SPOCK1: variants seen among roughly 807,000 people sequenced by gnomAD.
SPOCK1 encodes SPARC (osteonectin), cwcv and kazal like domains proteoglycan 1.
SPOCK1 carries 23 observed loss-of-function variants against 55.3 expected under a neutral mutation model. That is an observed-to-expected ratio of 0.42 (90% CI 0.30 to 0.59). The LOEUF is 0.59. Among genes scored for constraint, SPOCK1 ranks in the 20% least tolerant of loss-of-function variants. The pLI is 0.22. For synonymous variants in SPOCK1, 226 were observed against 221.0 expected (o/e 1.02, Z -0.20); for missense variants, 499 against 552.5 (o/e 0.90, Z 0.97).
At chr5:137,232,416 T>G (rs1401779852) in intron 3 of SPOCK1, among the ~76,000 whole-genome samples, 1 of 152,244 alleles carries the variant, frequency 6.6e-6, no homozygotes, top group East Asian at 1.9e-4. Flanking sequence ...AATGTCCAGC[T>G]GCTCCCGCAT....
At chr5:137,356,838 T>TATATATATAGAG (rs1554077335) in intron 2 of SPOCK1, among the ~76,000 whole-genome samples, 8 of 5,454 alleles carry the variant, frequency 1.5e-3, no homozygotes, top group Admixed American at 5.7e-3. Context: ...TATATATATA[T>TATATATATAGAG]AGAGAGAGAG....
chr5:137,054,074 C>T (rs1007182826), intron 6 of SPOCK1, among the ~76,000 whole-genome samples: 5 of 151,964 alleles, frequency 3.3e-5, no homozygotes, highest in Admixed American at 6.6e-5. Flanking sequence ...TGTGTGCATG[C>T]GCATGCACAC....
intron 2 of SPOCK1, among the ~76,000 whole-genome samples, chr5:137,366,060 G>A (rs1751054110): frequency 6.6e-6 from 1 of 152,168 alleles, no homozygotes; most frequent in Non-Finnish European, 1.5e-5. Flanking sequence ...TGGGAGGCAG[G>A]GACAGGGGAC....
chr5:137,225,342 A>G (rs1306814896), intron 3 of SPOCK1, among the ~76,000 whole-genome samples: 1 of 152,192 alleles, frequency 6.6e-6, no homozygotes. Flanking sequence ...AGGTTACTGT[A>G]GAAATAAAAT....
chr5:137,374,687 A>G (rs1309231578), intron 2 of SPOCK1, among the ~76,000 whole-genome samples: 1 of 152,134 alleles, frequency 6.6e-6, no homozygotes, highest in East Asian at 1.9e-4. Flanking sequence ...TCACCACACC[A>G]TTTATGACAC....
intron 5 of SPOCK1, among the ~76,000 whole-genome samples, chr5:137,076,490 C>CAGTG (rs1156601745): frequency 6.6e-6 from 1 of 151,748 alleles, no homozygotes; most frequent in Non-Finnish European, 1.5e-5. Context: ...AGCCTACCTT[C>CAGTG]AGTGTACTCA....
intron 3 of SPOCK1, among the ~76,000 whole-genome samples, chr5:137,227,449 G>A (rs1007437132): frequency 6.6e-5 from 10 of 152,346 alleles, no homozygotes; most frequent in Middle Eastern, 6.8e-3. Context: ...AGGATTTAAA[G>A]TACATCATCA....
chr5:137,178,362 A>C (rs1754898131), intron 3 of SPOCK1, among the ~76,000 whole-genome samples: 1 of 152,352 alleles, frequency 6.6e-6, no homozygotes, highest in East Asian at 1.9e-4. Context: ...CATGAGTAGC[A>C]CTGTTGGGGC....
intron 4 of SPOCK1, among the ~76,000 whole-genome samples, chr5:137,127,911 G>A (rs1017771807): frequency 3.9e-5 from 6 of 152,198 alleles, no homozygotes; most frequent in African/African-American, 1.4e-4. Flanking sequence ...TATGGCTATT[G>A]AGATAGAATG....
intron 2 of SPOCK1, among the ~76,000 whole-genome samples, chr5:137,318,464 G>A (rs781588539): frequency 6.6e-6 from 1 of 152,212 alleles, no homozygotes; most frequent in East Asian, 1.9e-4. Flanking sequence ...TTATAATGAG[G>A]GGTTTGTCTG....
At chr5:137,113,587 T>G (rs1007231653) in intron 4 of SPOCK1, among the ~76,000 whole-genome samples, 68 of 152,358 alleles carry the variant, frequency 4.5e-4, no homozygotes, top group African/African-American at 1.6e-3. Context: ...TCTCAGTTTC[T>G]TCATTAGTAA....
intron 6 of SPOCK1, among the ~76,000 whole-genome samples, chr5:137,056,346 G>C (rs1227386610): frequency 6.6e-6 from 1 of 152,088 alleles, no homozygotes; most frequent in Non-Finnish European, 1.5e-5. Context: ...CTACCCTAAA[G>C]GAACCAGGTC....
chr5:137,029,959 A>G (rs892793069), intron 6 of SPOCK1, among the ~76,000 whole-genome samples: 1 of 152,236 alleles, frequency 6.6e-6, no homozygotes, highest in Non-Finnish European at 1.5e-5. Context: ...GAAAAGAGAC[A>G]CATGCCTTAG....
intron 8 of SPOCK1, among the ~76,000 whole-genome samples, chr5:136,986,549 A>AAATTATCACTATTTGCAGATG (rs1750846313): frequency 6.6e-6 from 1 of 152,158 alleles, no homozygotes; most frequent in Non-Finnish European, 1.5e-5. Flanking sequence ...ATGAAGAGAA[A>AAATTATCACTATTTGCAGATG]AATTATCACT....
chr5:137,373,262 G>T (rs541580787), intron 2 of SPOCK1, among the ~76,000 whole-genome samples: 5 of 152,302 alleles, frequency 3.3e-5, no homozygotes, highest in African/African-American at 1.2e-4. Context: ...GAGTAAAAGT[G>T]CATTTAAAAA....
At chr5:137,158,263 T>C (rs896385277) in intron 3 of SPOCK1, among the ~76,000 whole-genome samples, 7 of 152,306 alleles carry the variant, frequency 4.6e-5, no homozygotes, top group Admixed American at 2.6e-4. Context: ...TGGCAATGAT[T>C]AGACTGGGGT....
chr5:137,033,100 C>G (rs966021863), intron 6 of SPOCK1, among the ~76,000 whole-genome samples: 1 of 152,140 alleles, frequency 6.6e-6, no homozygotes, highest in African/African-American at 2.4e-5. Flanking sequence ...GAGCTCAGCT[C>G]GGCTATGATG....
At chr5:137,168,863 A>T (rs1293169338) in intron 3 of SPOCK1, among the ~76,000 whole-genome samples, 1 of 152,214 alleles carries the variant, frequency 6.6e-6, no homozygotes, top group Non-Finnish European at 1.5e-5. Flanking sequence ...TATATAAAGG[A>T]GGAAATCAGT....
intron 5 of SPOCK1, among the ~76,000 whole-genome samples, chr5:137,100,063 T>C (rs1044426321): frequency 1.3e-5 from 2 of 152,184 alleles, no homozygotes; most frequent in African/African-American, 4.8e-5. Flanking sequence ...CTCTAGTCTA[T>C]CATACGGCTG....
Sources: gnomAD v4.1 joint callset for allele counts (sites outside exome capture counted in the v4.1 genomes callset) on GRCh38, gnomAD v4.1.1 for gene constraint, MANE v1.5 for transcripts, NCBI Gene and HGNC (gene_info 2026-07-23, HGNC 2026-07-21) for gene names.